PCNX4: variants seen among roughly 807,000 people sequenced by gnomAD.
PCNX4 encodes pecanex 4.
In PCNX4, 103 loss-of-function variants were observed where a neutral mutation model predicts 107.2. The observed-to-expected ratio is 0.96, with a 90% confidence interval of 0.82 to 1.13. The LOEUF (loss-of-function observed/expected upper bound fraction) is 1.13, where lower values mean the gene tolerates loss of function less well. Ranked by LOEUF, PCNX4 falls within the 50% of genes most tolerant of loss-of-function variation. PCNX4 has a pLI of 0.00. For missense variants in PCNX4, 1,528 were observed against 1,379.4 expected, an observed-to-expected ratio of 1.11 and a Z score of -1.71; for synonymous variants, 541 against 481.7, an observed-to-expected ratio of 1.12 and a Z score of -1.61.
intron 10 of PCNX4, among the ~76,000 whole-genome samples, chr14:60,128,164 GA>G (rs76056976): frequency 0.25 from 38,101 of 151,664 alleles, 6,881 homozygotes; most frequent in African/African-American, 0.5. Flanking sequence ...AGAGAAGGGA[GA>G]AAAAAAATTA....
In PCNX4 at chr14:60,135,057, C is replaced by G. The variant is rs945324131; in HGVS notation, c.*836C>G. 1.3e-5 allele frequency: 2 copies of G among 152,102 alleles called. No individual in the cohort carries two copies. The highest frequency in any genetic ancestry group is 4.1e-4 in the South Asian group (2 of 4,830). The allele number at this position is 152,102 out of a possible 1,614,324, so 9.4% of individuals were successfully genotyped here. A position where few individuals can be genotyped will look rare whatever the true frequency, so the allele number is the denominator to read the frequency against. ...GAGATGGAAGAAAATTTTTATAATA[C>G]GATCTGAATTTTATTTTCATTCTCT... is the stretch of plus-strand genomic sequence containing the variant. On this transcript the variant is annotated 3_prime_UTR_variant, in exon 11 of 11. Coordinates refer to ENST00000406854, the MANE Select transcript of PCNX4 (RefSeq NM_001330177.2).
chr14:60,118,427 A>G lies in PCNX4; in HGVS notation c.1677A>G (p.Arg559=). ...LTSWTEKKQR[R]KTTATLCILN... ...CATGGACAGAGAAAAAACAACGTCG[A>G]AAAACAACTGCCACTTTATGTATAC... The change falls in exon 7 of 11, where the codon CGA becomes CGG. Residue 559 remains arginine, a synonymous_variant. Coordinates refer to ENST00000406854, the MANE Select transcript of PCNX4 (RefSeq NM_001330177.2). 1 of 1,613,638 alleles carries G rather than the reference A, an allele frequency of 6.2e-7. No homozygotes were observed. Among genetic ancestry groups the G allele is most frequent in the Non-Finnish European group, 8.5e-7 (1 of 1,179,720 alleles).
intron 2 of PCNX4, 130 bp from the exon 3 acceptor site, chr14:60,114,570 T>C (rs1322524097): frequency 2.8e-6 from 2 of 711,770 alleles, no homozygotes; most frequent in African/African-American, 1.8e-5. Context: ...GACTAAGACT[T>C]TTCTGTGGTG....
chr14:60,121,188 T>TTTTTTA lies in PCNX4; in HGVS notation c.1943-8_1943-7insTTTTTA. 6.4e-7 allele frequency: 1 copy of TTTTTTA among 1,559,992 alleles called. No homozygotes were observed. The highest frequency in any genetic ancestry group is 2.3e-5 in the East Asian group (1 of 44,238). ...TTTTTTTTTTTTTTTTTTTCTAATT[T>TTTTTTA]GTTGTAGGTCTCCTCCTACCTGGAT... On this transcript the variant is annotated splice_region_variant and splice_polypyrimidine_tract_variant and intron_variant, in intron 7 of 10. Transcript: ENST00000406854.
At position 60,143,741 on chromosome 14, in the gene PCNX4, A is replaced by C. The variant is rs1485009305; in HGVS notation, c.*9520A>C. On this transcript the variant is annotated 3_prime_UTR_variant, in exon 11 of 11. Transcript: ENST00000406854. ...AGGACAGCCACTTGGGTGGCTTCCA[A>C]CTTGCCCAACAACTATTCTACAGTT... 1.3e-5 allele frequency: 2 copies of C among 152,240 alleles called. No individual in the cohort carries two copies. Among genetic ancestry groups the C allele is most frequent in the Non-Finnish European group, 2.9e-5 (2 of 68,052 alleles). The allele number at this position is 152,240 out of a possible 1,614,324, so 9.4% of individuals were successfully genotyped here.
intron 2 of PCNX4, 49 bp from the exon 3 acceptor site, chr14:60,114,650 TC>T: frequency 2.1e-6 from 3 of 1,461,700 alleles, no homozygotes; most frequent in Non-Finnish European, 1.9e-6. Context: ...TCTTAAAAGA[TC>T]CTCTTCTATA....
At position 60,124,782 on chromosome 14, in the gene PCNX4, C is replaced by T. The variant is rs759598381; in HGVS notation, c.2611C>T (p.Pro871Ser). Residue 871 changes from proline to serine, a missense_variant, in exon 9 of 11, where the codon CCT becomes TCT. Transcript: ENST00000406854. ...RVGDHSTGTV[P>S]ENDLYKAVLL... ...TGGTGATCATTCTACAGGCACTGTT[C>T]CTGAAAACGATCTTTACAAAGCAGT... is the stretch of plus-strand genomic sequence containing the variant. The T allele has an allele frequency of 3.1e-6, 5 of 1,613,352 alleles. No individual in the cohort carries two copies. Among genetic ancestry groups the T allele is most frequent in the Non-Finnish European group, 3.4e-6 (4 of 1,179,786 alleles).
chr14:60,115,946 G>A lies in PCNX4; in HGVS notation c.1464G>A (p.Trp488Ter). Reference protein sequence around the residue: ...IGFTRAFRMVWQNTENALLET... With the variant: ...IGFTRAFRMV The stretch of plus-strand genomic sequence containing the variant: ...GGATAATTTGTATACTGCAGGTATG[G>A]CAGAATACAGAAAATGCTTTATTGG... Residue 488 changes from tryptophan (W) to a stop codon, truncating the protein, a stop_gained, in exon 6 of 11, where the codon TGG becomes TGA. Transcript: ENST00000406854. LOFTEE classifies it high-confidence loss of function. 6.2e-7 allele frequency: 1 copy of A among 1,609,504 alleles called. No individual in the cohort carries two copies. The highest frequency in any genetic ancestry group is 8.5e-7 in the Non-Finnish European group (1 of 1,177,232).
rs756264737 is a variant in PCNX4, at chr14:60,115,260, A to G, written c.1156A>G (p.Asn386Asp). Reference sequence around the variant, plus strand: ...TGGCTTCTCACAGATTTCTAAAAGCAATTCCCAGGCTATTGTGGGCTATGG... The same window carrying G: ...TGGCTTCTCACAGATTTCTAAAAGCGATTCCCAGGCTATTGTGGGCTATGG... ...FAGFSQISKS[N>D]SQAIVGYGLM... The change falls in exon 4 of 11, where the codon AAT becomes GAT. Residue 386 changes from asparagine to aspartate, a missense_variant. By Grantham distance (23) the Asn-to-Asp change is conservative. Coordinates refer to ENST00000406854, the MANE Select transcript of PCNX4 (RefSeq NM_001330177.2). The G allele has an allele frequency of 6.2e-7, 1 of 1,612,422 alleles. No homozygotes were observed. The highest frequency in any genetic ancestry group is 8.5e-7 in the Non-Finnish European group (1 of 1,178,700).
At position 60,144,934 on chromosome 14, in the gene PCNX4, C is replaced by T. The variant is rs761457957; in HGVS notation, c.*10713C>T. 3 of 1,565,772 alleles carry T rather than the reference C, an allele frequency of 1.9e-6. No homozygotes were observed. The African/African-American group carries it at 4.1e-5, about 22-fold the overall frequency. ...CTGTTTTCATGTTTTCCATTTCTCC[C>T]TCCAGTGGCTTGAAAAGTACAGGTG... On this transcript the variant is annotated 3_prime_UTR_variant, in exon 11 of 11. Coordinates refer to ENST00000406854, the MANE Select transcript of PCNX4 (RefSeq NM_001330177.2).
chr14:60,100,662 T>C (rs1330288707), intron 1 of PCNX4, among the ~76,000 whole-genome samples: 1 of 152,232 alleles, frequency 6.6e-6, no homozygotes, highest in African/African-American at 2.4e-5. Context: ...CAGCTCTGAT[T>C]TGTTAAATCT....
At chr14:60,129,550 C>T (rs1362929740) in intron 10 of PCNX4, among the ~76,000 whole-genome samples, 2 of 152,146 alleles carry the variant, frequency 1.3e-5, no homozygotes, top group African/African-American at 4.8e-5. Flanking sequence ...AAGACCCTGT[C>T]TCTGAAAAAT....
Position 60,125,121 on chromosome 14 carries a change from G to A in PCNX4, c.2950G>A (p.Gly984Arg). The A allele has an allele frequency of 6.2e-7, 1 of 1,612,882 alleles. No homozygotes were observed. The highest frequency in any genetic ancestry group is 1.1e-5 in the South Asian group (1 of 91,004). Residue 984 changes from glycine (G) to arginine (R), a missense_variant, in exon 9 of 11, where the codon GGA becomes AGA. Coordinates refer to ENST00000406854, the MANE Select transcript of PCNX4 (RefSeq NM_001330177.2). ...TVMTCYFSLF[G>R]IDNMAPSPGH... ...AATGACTTGTTATTTTAGTTTATTTGGAATAGACAATATGGCTCCTAGTCC... is the reference window on the plus strand; with the variant it reads ...AATGACTTGTTATTTTAGTTTATTTAGAATAGACAATATGGCTCCTAGTCC...
Position 60,144,749 on chromosome 14 carries a change from TA to T in PCNX4, c.*10529del, listed in dbSNP as rs1896354166. 6.0e-6 allele frequency: 3 copies of T among 496,268 alleles called. No individual in the cohort carries two copies. Among genetic ancestry groups the T allele is most frequent in the Non-Finnish European group, 1.0e-5 (3 of 286,036 alleles). The allele number at this position is 496,268 out of a possible 1,614,324, so 30.7% of individuals were successfully genotyped here. On this transcript the variant is annotated 3_prime_UTR_variant, in exon 11 of 11. Coordinates refer to ENST00000406854, the MANE Select transcript of PCNX4 (RefSeq NM_001330177.2). ...GCTAAAGTATTTTAAAAGGTTATTT[TA>T]TCCAAGAATATAGTATGAGTTAATA...
intron 1 of PCNX4, among the ~76,000 whole-genome samples, chr14:60,092,761 C>T (rs1288753271): frequency 6.6e-6 from 1 of 152,178 alleles, no homozygotes; most frequent in African/African-American, 2.4e-5. Flanking sequence ...AACTAAACCT[C>T]TTTTGTCCGA....
rs1895685978 is a variant in PCNX4, at chr14:60,109,024, A to T, written c.689+697A>T. The T allele has an allele frequency of 1.8e-5, 3 of 166,854 alleles. No homozygotes were observed. The Admixed American group carries it at 2.0e-4, about 11-fold the overall frequency. 10.3% of individuals were successfully genotyped at this position (166,854 alleles called of 1,614,324 possible). On this transcript the variant is annotated intron_variant, in intron 2 of 10. Transcript: ENST00000406854. ...TATTACAGTCTTAAACCCCAATGTG[A>T]TGGTATTTTGAGATGAGGCCTTTGG... is the stretch of plus-strand genomic sequence containing the variant.
intron 7 of PCNX4, 32 bp downstream of exon 7, chr14:60,118,724 C>T (rs372824073): frequency 2.4e-5 from 36 of 1,517,020 alleles, no homozygotes; most frequent in African/African-American, 2.0e-4. Context: ...AAGAATTTCT[C>T]ACTAATGTAT....
chr14:60,097,375 A>C (rs1275441411), intron 1 of PCNX4, among the ~76,000 whole-genome samples: 1 of 152,170 alleles, frequency 6.6e-6, no homozygotes, highest in Non-Finnish European at 1.5e-5. Flanking sequence ...TCCTAAATAT[A>C]ATGGAAATTA....
chr14:60,092,980 T>C (rs1175553074), intron 1 of PCNX4, among the ~76,000 whole-genome samples: 1 of 152,252 alleles, frequency 6.6e-6, no homozygotes, highest in African/African-American at 2.4e-5. Context: ...GTTTTCTTCA[T>C]TAAATCATTC....
Sources: gnomAD v4.1 joint callset for allele counts (sites outside exome capture counted in the v4.1 genomes callset) on GRCh38, gnomAD v4.1.1 for gene constraint, MANE v1.5 for transcripts, NCBI Gene and HGNC (gene_info 2026-07-23, HGNC 2026-07-21) for gene names.